GLIS3: variants seen among roughly 807,000 people sequenced by gnomAD.
GLIS3 encodes the protein GLIS family zinc finger 3.
A neutral mutation model predicts 78.6 loss-of-function variants in GLIS3; 53 were observed. That is an observed-to-expected ratio of 0.67 (90% CI 0.54 to 0.85). The LOEUF (loss-of-function observed/expected upper bound fraction) is 0.85. Ranked by LOEUF, GLIS3 falls within the 40% of genes least tolerant of loss-of-function variation. GLIS3 has a pLI of 0.00. For synonymous variants in GLIS3, 684 were observed against 509.9 expected (o/e 1.34, Z -4.60); for missense variants, 1,703 against 1,231.1 (o/e 1.38, Z -5.74).
intron 4 of GLIS3, among the ~76,000 whole-genome samples, chr9:3,995,885 G>A (rs1820704720): frequency 6.6e-6 from 1 of 152,022 alleles, no homozygotes; most frequent in South Asian, 2.1e-4. Context: ...TGGAGGAATG[G>A]CAACATTTTG....
intron 2 of GLIS3, among the ~76,000 whole-genome samples, chr9:4,217,176 T>C (rs908849517): frequency 1.3e-5 from 2 of 152,102 alleles, no homozygotes; most frequent in Admixed American, 6.5e-5. Context: ...AACATAGTCA[T>C]GAACCCAAAA....
rs548960041 is a variant in GLIS3, at chr9:4,311,648, C to G, written n.265-1120G>C. 5.9e-5 allele frequency among the ~76,000 whole-genome samples: 9 copies of G among 152,224 alleles called. No homozygotes were observed. The South Asian group carries it at 1.7e-3, about 28-fold the overall frequency. On this transcript the variant is annotated intron_variant and non_coding_transcript_variant, in intron 2 of 4. Coordinates refer to the GLIS3 transcript ENST00000471664. The stretch of plus-strand genomic sequence containing the variant: ...CACCATCTGTCTTCCCCAACAGCAA[C>G]ATGGTGGCCCTGACCCTCCTGCATC...
At chr9:3,893,461 TTA>T (rs1382803103) in intron 7 of GLIS3, among the ~76,000 whole-genome samples, 1 of 152,168 alleles carries the variant, frequency 6.6e-6, no homozygotes, top group Non-Finnish European at 1.5e-5. Flanking sequence ...AGCTGAGTGG[TTA>T]TAAGATCTCA....
chr9:4,370,655 A>T, the GLIS3 span, among the ~76,000 whole-genome samples: 3 of 151,878 alleles, frequency 2.0e-5, no homozygotes, highest in African/African-American at 7.2e-5. Flanking sequence ...GCTATATTTA[A>T]TATGTATTTA....
At chr9:4,087,193 G>A (rs906473815) in intron 4 of GLIS3, among the ~76,000 whole-genome samples, 2 of 152,146 alleles carry the variant, frequency 1.3e-5, no homozygotes, top group Non-Finnish European at 2.9e-5. Flanking sequence ...ATAAATACTA[G>A]GTGATTATGG....
chr9:3,892,078 C>T (rs1029593693), intron 7 of GLIS3, among the ~76,000 whole-genome samples: 2 of 152,116 alleles, frequency 1.3e-5, no homozygotes, highest in African/African-American at 4.8e-5. Flanking sequence ...TAAGGTAGGA[C>T]TAGGTGTTAG....
chr9:4,324,898 C>T (rs1344995276), intron 2 of GLIS3, among the ~76,000 whole-genome samples: 2 of 152,196 alleles, frequency 1.3e-5, no homozygotes, highest in Non-Finnish European at 2.9e-5. Flanking sequence ...ACCCCTACAA[C>T]CTTAGGTAGT....
At chr9:3,894,375 C>A (rs561006339) in intron 7 of GLIS3, among the ~76,000 whole-genome samples, 1 of 152,176 alleles carries the variant, frequency 6.6e-6, no homozygotes, top group East Asian at 1.9e-4. Context: ...TGAGAACAGA[C>A]TATATGAAGC....
chr9:3,942,937 T>C (rs1816039107), intron 4 of GLIS3, among the ~76,000 whole-genome samples: 1 of 152,056 alleles, frequency 6.6e-6, no homozygotes, highest in South Asian at 2.1e-4. Flanking sequence ...TAAACTGTGG[T>C]AGTCTCACAC....
At chr9:3,973,395 C>G (rs1818534778) in intron 4 of GLIS3, among the ~76,000 whole-genome samples, 1 of 152,124 alleles carries the variant, frequency 6.6e-6, no homozygotes, top group African/African-American at 2.4e-5. Context: ...GGTTGGTCTT[C>G]CTGGCATGGC....
At chr9:4,377,371 C>G in the GLIS3 span, among the ~76,000 whole-genome samples, 3 of 135,480 alleles carry the variant, frequency 2.2e-5, 1 homozygote, top group Non-Finnish European at 5.0e-5. Flanking sequence ...CATCAGACTC[C>G]AGGTTCTTTG....
At chr9:4,436,828 A>C in the GLIS3 span, among the ~76,000 whole-genome samples, 3 of 151,068 alleles carry the variant, frequency 2.0e-5, no homozygotes, top group African/African-American at 4.9e-5. Context: ...AAAAAAAAAA[A>C]AAAAAAAAGA....
At chr9:3,867,815 C>T (rs1820698889) in intron 8 of GLIS3, among the ~76,000 whole-genome samples, 1 of 151,836 alleles carries the variant, frequency 6.6e-6, no homozygotes, top group Non-Finnish European at 1.5e-5. Flanking sequence ...ATTTTGGACC[C>T]CACCTCTCTT....
chr9:3,997,593 G>A (rs958281543), intron 4 of GLIS3, among the ~76,000 whole-genome samples: 1 of 151,830 alleles, frequency 6.6e-6, no homozygotes, highest in Non-Finnish European at 1.5e-5. Context: ...TGACCAAGTT[G>A]AACGTTTTTC....
At chr9:4,391,457 T>TC in the GLIS3 span, among the ~76,000 whole-genome samples, 1 of 152,138 alleles carries the variant, frequency 6.6e-6, no homozygotes, top group Non-Finnish European at 1.5e-5. Flanking sequence ...TTAAGGTTTT[T>TC]CCCAATAACT....
Position 4,179,752 on chromosome 9 carries a change from AT to A in GLIS3, c.389-53812del, listed in dbSNP as rs1817132873. 2.0e-5 allele frequency among the ~76,000 whole-genome samples: 3 copies of A among 152,156 alleles called. No homozygotes were observed. In the South Asian group the frequency reaches 6.2e-4, roughly 32 times the overall value. ...TGGTGAAACCCCGTCTCTACTAAAAATTCAAAAATTAGCCGGGTTTGGTGGC... is the reference window on the plus strand; with the variant it reads ...TGGTGAAACCCCGTCTCTACTAAAAATCAAAAATTAGCCGGGTTTGGTGGC... On this transcript the variant is annotated intron_variant, in intron 2 of 10. Transcript: ENST00000381971.
chr9:4,421,015 C>T, the GLIS3 span, among the ~76,000 whole-genome samples: 3 of 152,150 alleles, frequency 2.0e-5, no homozygotes, highest in African/African-American at 7.2e-5. Flanking sequence ...GTTGCACGTT[C>T]GCTTCTGCAC....
intron 2 of GLIS3, among the ~76,000 whole-genome samples, chr9:4,281,038 G>C (rs1176323324): frequency 6.6e-6 from 1 of 152,146 alleles, no homozygotes; most frequent in Admixed American, 6.5e-5. Context: ...AAGTAGTTAG[G>C]TGTAAACAAC....
At chr9:4,096,886 C>A (rs1829995733) in intron 4 of GLIS3, among the ~76,000 whole-genome samples, 1 of 152,166 alleles carries the variant, frequency 6.6e-6, no homozygotes. Flanking sequence ...GTGGCAGGCG[C>A]CTGTAATCCC....
Sources: gnomAD v4.1 joint callset for allele counts (sites outside exome capture counted in the v4.1 genomes callset) on GRCh38, gnomAD v4.1.1 for gene constraint, MANE v1.5 for transcripts, NCBI Gene and HGNC (gene_info 2026-07-23, HGNC 2026-07-21) for gene names.